Variants in NEB observed in about 807,000 individuals in gnomAD.
NEB encodes nemaline myopathy type 2.
NEB carries 512 observed loss-of-function variants against 952.2 expected under a neutral mutation model. The observed-to-expected ratio is 0.54, with a 90% CI of 0.50 to 0.58. The LOEUF is 0.58. Ranked by LOEUF, NEB falls within the 20% of genes least tolerant of loss-of-function variation. NEB has a pLI of 0.00. For missense variants in NEB, 8,428 were observed against 9,231.1 expected (o/e 0.91, Z 3.56); for synonymous variants, 2,900 against 3,149.8 (o/e 0.92, Z 2.66).
chr2:151,501,927 C>A (rs1324799657), intron 167 of NEB, among the ~76,000 whole-genome samples: 1 of 151,918 alleles, frequency 6.6e-6, no homozygotes, highest in East Asian at 1.9e-4. Context: ...TGAAAGTTTT[C>A]CAAAGGAAAA....
At chr2:151,731,108 A>C (rs964097033) in intron 3 of NEB, among the ~76,000 whole-genome samples, 1 of 152,190 alleles carries the variant, frequency 6.6e-6, no homozygotes, top group South Asian at 2.1e-4. Context: ...ATAAAATGGA[A>C]GATTCACAAC....
intron 172 of NEB, 23 bp downstream of exon 172, chr2:151,496,918 T>TTTTTC: frequency 6.5e-7 from 1 of 1,535,378 alleles, no homozygotes; most frequent in Non-Finnish European, 8.8e-7. Context: ...GTAAGTAGTT[T>TTTTTC]TTTTCTTTTC....
chr2:151,578,480 T>C (rs2096962532), intron 105 of NEB, among the ~76,000 whole-genome samples: 1 of 150,618 alleles, frequency 6.6e-6, no homozygotes, highest in African/African-American at 2.4e-5. Context: ...GCCAACATGA[T>C]GAAACCCTGC....
At chr2:151,581,749 T>G (rs1284978873) in intron 102 of NEB, among the ~76,000 whole-genome samples, 162 bp from the exon 103 acceptor site, 1 of 151,054 alleles carries the variant, frequency 6.6e-6, no homozygotes, top group Admixed American at 6.6e-5. Context: ...AAATTAAAAT[T>G]TTTAAGTAAG....
chr2:151,573,311 A>G (rs756369116), intron 107 of NEB, among the ~76,000 whole-genome samples: 1 of 152,182 alleles, frequency 6.6e-6, no homozygotes, highest in African/African-American at 2.4e-5. Flanking sequence ...TGTTCATATA[A>G]TATCAATGGT....
At chr2:151,488,064 C>A (rs1234737072) in intron 181 of NEB, among the ~76,000 whole-genome samples, 1 of 152,012 alleles carries the variant, frequency 6.6e-6, no homozygotes, top group Non-Finnish European at 1.5e-5. Flanking sequence ...TCATGGTGAA[C>A]ACCTTTTTCT....
chr2:151,663,508 T>C (rs774283856), intron 45 of NEB, 40 bp downstream of exon 45: 91 of 1,546,690 alleles, frequency 5.9e-5, no homozygotes, highest in Non-Finnish European at 7.8e-5. Context: ...GGTTGCTTAT[T>C]ATCCAGAGTA....
chr2:151,704,743 A>G (rs2099697738), intron 13 of NEB, among the ~76,000 whole-genome samples: 1 of 152,118 alleles, frequency 6.6e-6, no homozygotes, highest in African/African-American at 2.4e-5. Flanking sequence ...GCACTCACTG[A>G]CCTGCGCCCA....
chr2:151,544,161 A>C (rs1165760596), intron 135 of NEB, among the ~76,000 whole-genome samples: 1 of 152,168 alleles, frequency 6.6e-6, no homozygotes, highest in Non-Finnish European at 1.5e-5. Flanking sequence ...CCACTGAAAA[A>C]TATCCATTCT....
chr2:151,498,848 G>C (rs1298955054), intron 169 of NEB, among the ~76,000 whole-genome samples: 29 of 150,570 alleles, frequency 1.9e-4, no homozygotes, highest in Non-Finnish European at 1.5e-5. Flanking sequence ...AACACATTGA[G>C]AACAACGATG....
chr2:151,723,281 T>A, intron 9 of NEB, 101 bp downstream of exon 9: 1 of 638,264 alleles, frequency 1.6e-6, no homozygotes. Context: ...CAACATTTAG[T>A]CTCTTATACA....
At chr2:151,619,375 A>T in intron 73 of NEB, 76 bp downstream of exon 73, 1 of 1,386,086 alleles carries the variant, frequency 7.2e-7, no homozygotes, top group Non-Finnish European at 9.8e-7. Context: ...ATTGCAGTTC[A>T]TTGGCACTAG....
intron 81 of NEB, among the ~76,000 whole-genome samples, chr2:151,608,954 GA>G (rs1398506593): frequency 9.2e-6 from 1 of 109,020 alleles, no homozygotes; most frequent in African/African-American, 3.2e-5. Flanking sequence ...AACATTTAAT[GA>G]AAAAATTGGC....
chr2:151,663,492 A>T, intron 45 of NEB, 56 bp downstream of exon 45: 1 of 1,481,272 alleles, frequency 6.8e-7, no homozygotes, highest in Non-Finnish European at 9.1e-7. Context: ...GCTTATGGTC[A>T]CTCATGGTTG....
intron 113 of NEB, 63 bp from the exon 114 acceptor site, chr2:151,567,542 G>C: frequency 6.8e-7 from 1 of 1,462,684 alleles, no homozygotes; most frequent in Non-Finnish European, 9.2e-7. Context: ...GAGGGGGCTT[G>C]ATCATCTACT....
At chr2:151,490,871 G>A (rs1574566852) in intron 179 of NEB, among the ~76,000 whole-genome samples, 1 of 152,130 alleles carries the variant, frequency 6.6e-6, no homozygotes, top group Non-Finnish European at 1.5e-5. Flanking sequence ...TCTCCAGAAA[G>A]TCCTCCCTAA....
At chr2:151,524,245 C>G in intron 153 of NEB, 66 bp downstream of exon 153, 1 of 1,352,466 alleles carries the variant, frequency 7.4e-7, no homozygotes, top group Non-Finnish European at 1.1e-6. Flanking sequence ...CTGGAAATCA[C>G]TTCTTCCTGC....
rs1222037893 is a variant in NEB, at chr2:151,643,892, G to C, written c.7882C>G (p.Leu2628Val). The C allele has an allele frequency of 2.5e-6, 4 of 1,614,036 alleles. No individual in the cohort carries two copies. The highest frequency in any genetic ancestry group is 1.7e-5 in the Admixed American group (1 of 60,032). The change falls in exon 57 of 182, where the codon CTG (leucine) becomes GTG (valine). Residue 2628 changes from leucine (L) to valine (V), a missense_variant. Physicochemically the swap from Leu to Val is conservative, Grantham distance 32. Around this residue, in one of 11 missense-constraint regions of NEB, gnomAD observed 1,772 missense variants for 1,960.3 expected, o/e 0.90. Transcript: ENST00000397345. ...LVSDVDYKNYLHQWTCLPDQS... is the reference protein window; with the variant it reads ...LVSDVDYKNYVHQWTCLPDQS... ...TCGGGCAGGCATGTCCACTGGTGCA[G>C]GTAGTTCTTGTAGTCCACGTCGCTG...
intron 60 of NEB, among the ~76,000 whole-genome samples, chr2:151,641,217 G>A (rs2098842749): frequency 6.6e-6 from 1 of 152,182 alleles, no homozygotes; most frequent in Admixed American, 6.5e-5. Context: ...TCGTGTGTGA[G>A]AATATAATTA....
Sources: gnomAD v4.1 joint callset for allele counts (sites outside exome capture counted in the v4.1 genomes callset) on GRCh38, gnomAD v4.1.1 for gene constraint, gnomAD v4.1.1 regional missense constraint, MANE v1.5 for transcripts, NCBI Gene and HGNC (gene_info 2026-07-23, HGNC 2026-07-21) for gene names.